Variants in PTHLH observed in about 807,000 individuals in gnomAD.
The protein encoded by PTHLH is parathyroid hormone-related protein.
In PTHLH, 5 loss-of-function variants were observed where a neutral mutation model predicts 18.6. The ratio of observed to expected loss-of-function variants is 0.27; its 90% CI spans 0.14 to 0.56. The LOEUF (loss-of-function observed/expected upper bound fraction) is 0.56. PTHLH is among the 20% of genes least tolerant of loss of function. PTHLH has a pLI of 0.92. For missense variants in PTHLH, 207 were observed against 223.9 expected, an observed-to-expected ratio of 0.92 and a Z score of 0.48; for synonymous variants, 90 against 94.0, an observed-to-expected ratio of 0.96 and a Z score of 0.25.
At chr12:27,968,205 A>G (rs1324727269) in intron 4 of PTHLH, among the ~76,000 whole-genome samples, 1 of 152,146 alleles carries the variant, frequency 6.6e-6, no homozygotes, top group Non-Finnish European at 1.5e-5. Context: ...GCCTTAGGAG[A>G]TTCATAATAG....
At position 27,958,253 on chromosome 12, in the gene PTHLH, T is replaced by C. The variant is rs2062727669; in HGVS notation, c.*306A>G. 1 of 232,766 alleles carries C rather than the reference T, an allele frequency of 4.3e-6. No individual in the cohort carries two copies. Among genetic ancestry groups the C allele is most frequent in the African/African-American group, 2.3e-5 (1 of 44,440 alleles). The allele number at this position is 232,766 out of a possible 1,614,324, so 14.4% of individuals were successfully genotyped here. ...GTGTCATTTATCAACATACTTGATA[T>C]GTATATCTAAAGTGCATTATGTTAC... On this transcript the variant is annotated 3_prime_UTR_variant, in exon 6 of 6. Coordinates refer to ENST00000545234, the MANE Select transcript of PTHLH (RefSeq NM_198965.2).
At chr12:27,969,251 C>G (rs1166603515) in intron 4 of PTHLH, 143 bp downstream of exon 4, 1 of 772,908 alleles carries the variant, frequency 1.3e-6, no homozygotes, top group East Asian at 2.7e-5. Flanking sequence ...GCTCAGGCCC[C>G]GGCAGGTATC....
At chr12:27,970,303 G>A (rs2062857799) in intron 2 of PTHLH, 36 bp from the exon 3 acceptor site, 1 of 248,776 alleles carries the variant, frequency 4.0e-6, no homozygotes. Context: ...AAGAGGTGGC[G>A]CCCTAGGAAC....
chr12:27,968,368 T>C (rs188557969), intron 4 of PTHLH, among the ~76,000 whole-genome samples: 49 of 152,336 alleles, frequency 3.2e-4, no homozygotes, highest in African/African-American at 1.2e-3. Context: ...AACCTGACTG[T>C]AAATATTAGA....
At chr12:27,963,030 A>C in intron 5 of PTHLH, 3 of 1,240,754 alleles carry the variant, frequency 2.4e-6, no homozygotes, top group Non-Finnish European at 3.0e-6. Flanking sequence ...GCAAATTATG[A>C]AGATGGTCAC....
chr12:27,963,737 A>G lies in PTHLH; in HGVS notation c.135T>C (p.His45=), dbSNP rs1269147970. 6.2e-7 allele frequency: 1 copy of G among 1,613,850 alleles called. No homozygotes were observed. The highest frequency in any genetic ancestry group is 1.7e-5 in the Admixed American group (1 of 59,948). Residue 45 remains histidine (H), a synonymous_variant, in exon 5 of 6, where the codon CAT becomes CAC. Transcript: ENST00000545234. The part of the protein sequence containing the change: ...KRAVSEHQLL[H]DKGKSIQDLR... ...AATCTTGGATGGACTTCCCCTTGTC[A>G]TGGAGGAGCTGATGTTCAGACACAG...
chr12:27,960,044 T>G (rs1163492632), intron 5 of PTHLH, among the ~76,000 whole-genome samples: 2 of 152,386 alleles, frequency 1.3e-5, no homozygotes, highest in African/African-American at 4.8e-5. Context: ...AGAAATCTTC[T>G]ATGTATCTCA....
intron 5 of PTHLH, chr12:27,963,073 G>GT: frequency 7.5e-7 from 1 of 1,331,300 alleles, no homozygotes; most frequent in Non-Finnish European, 9.6e-7. Context: ...AAATTATTTG[G>GT]TAGAGTGGTA....
intron 4 of PTHLH, among the ~76,000 whole-genome samples, chr12:27,966,083 C>A (rs986552992): frequency 1.3e-5 from 2 of 152,156 alleles, no homozygotes; most frequent in African/African-American, 4.8e-5. Flanking sequence ...ATTAAGCCAC[C>A]ATTGCTCATA....
intron 2 of PTHLH, among the ~76,000 whole-genome samples, chr12:27,970,532 G>T (rs1471565332): frequency 6.6e-6 from 1 of 151,784 alleles, no homozygotes; most frequent in Admixed American, 6.6e-5. Context: ...CCCGGGCCCT[G>T]TCGCGCCATC....
At chr12:27,969,193 T>C in intron 4 of PTHLH, 4 of 596,396 alleles carry the variant, frequency 6.7e-6, no homozygotes, top group Non-Finnish European at 1.2e-5. Context: ...CTCTTGCCTG[T>C]CTCCCGTTGA....
chr12:27,969,088 C>T (rs1285357280), intron 4 of PTHLH: 8 of 383,546 alleles, frequency 2.1e-5, no homozygotes, highest in Middle Eastern at 7.4e-4. Context: ...CCACCACCCC[C>T]CAACTTTTTT....
At chr12:27,963,899 C>A in intron 4 of PTHLH, 129 bp from the exon 5 acceptor site, 2 of 922,728 alleles carry the variant, frequency 2.2e-6, no homozygotes, top group Non-Finnish European at 3.3e-6. Context: ...GGATGGGTAG[C>A]AAGCTCATTG....
At chr12:27,965,047 G>A (rs1024233182) in intron 4 of PTHLH, among the ~76,000 whole-genome samples, 1 of 152,194 alleles carries the variant, frequency 6.6e-6, no homozygotes, top group Admixed American at 6.5e-5. Flanking sequence ...GTCCTTTGTT[G>A]CCTTTGTTGG....
chr12:27,963,875 G>A (rs1400938725), intron 4 of PTHLH, 105 bp from the exon 5 acceptor site: 7 of 1,185,238 alleles, frequency 5.9e-6, no homozygotes, highest in African/African-American at 1.5e-5. Context: ...TTGGTCCACC[G>A]TAAGACACAA....
At chr12:27,964,280 T>A (rs33087) in intron 4 of PTHLH, among the ~76,000 whole-genome samples, 80,642 of 138,504 alleles carry the variant, frequency 0.58, 23,248 homozygotes, top group African/African-American at 0.68. Flanking sequence ...TCTCTCTCTC[T>A]CACACACACA....
intron 5 of PTHLH, among the ~76,000 whole-genome samples, chr12:27,958,781 T>A (rs2062731694): frequency 1.3e-5 from 2 of 152,236 alleles, no homozygotes; most frequent in Admixed American, 1.3e-4. Flanking sequence ...TCAACCTGAC[T>A]TAGCCCATAT....
chr12:27,962,870 T>G (rs184027351), intron 5 of PTHLH: 592 of 989,612 alleles, frequency 6.0e-4, no homozygotes, highest in Non-Finnish European at 5.3e-4. Flanking sequence ...TGGCTCAGAA[T>G]CGTTTATGAC....
chr12:27,962,945 A>G, intron 5 of PTHLH: 1 of 1,108,504 alleles, frequency 9.0e-7, no homozygotes, highest in Non-Finnish European at 1.1e-6. Flanking sequence ...TTGAAGTGAA[A>G]GAACGTAAGA....
Sources: gnomAD v4.1 joint callset for allele counts (sites outside exome capture counted in the v4.1 genomes callset) on GRCh38, gnomAD v4.1.1 for gene constraint, MANE v1.5 for transcripts, NCBI Gene and HGNC (gene_info 2026-07-23, HGNC 2026-07-21) for gene names.